Variants in STK3 observed in about 807,000 individuals in gnomAD.
The protein encoded by STK3 is serine/threonine kinase 3, also known as serine/threonine-protein kinase 3.
A neutral mutation model predicts 58.0 loss-of-function variants in STK3; 41 were observed. That is an observed-to-expected ratio of 0.71 (90% CI 0.55 to 0.92). STK3 has a LOEUF of 0.92. Among genes scored for constraint, STK3 ranks in the 40% least tolerant of loss-of-function variants. STK3 has a pLI of 0.00. For synonymous variants in STK3, 170 were observed against 191.0 expected, an observed-to-expected ratio of 0.89 and a Z score of 0.91; for missense variants, 479 against 602.7, an observed-to-expected ratio of 0.79 and a Z score of 2.15.
chr8:98,496,981 AT>A (rs1823186366), intron 10 of STK3, among the ~76,000 whole-genome samples: 2 of 152,168 alleles, frequency 1.3e-5, no homozygotes. Flanking sequence ...AATAAAAAAA[AT>A]TTTTAAAGCC....
intron 6 of STK3, among the ~76,000 whole-genome samples, chr8:98,642,062 A>T (rs1820064204): frequency 6.6e-6 from 1 of 152,218 alleles, no homozygotes; most frequent in East Asian, 1.9e-4. Context: ...ATGACAATTT[A>T]AAAAATTAAC....
intron 3 of STK3, chr8:98,429,716 C>T (rs997600392): frequency 5.2e-5 from 18 of 349,492 alleles, no homozygotes; most frequent in Admixed American, 1.8e-4. Context: ...TTCTGTCCAT[C>T]GTGTACGCTA....
intron 1 of STK3, among the ~76,000 whole-genome samples, chr8:98,913,030 C>T (rs1839211666): frequency 6.6e-6 from 1 of 152,090 alleles, no homozygotes; most frequent in African/African-American, 2.4e-5. Context: ...GCCTCAGCCT[C>T]CCAAATATCT....
intron 4 of STK3, among the ~76,000 whole-genome samples, chr8:98,725,654 G>GT (rs902744369): frequency 6.6e-6 from 1 of 152,068 alleles, no homozygotes; most frequent in Non-Finnish European, 1.5e-5. Context: ...CTTTTCATAT[G>GT]TTTTTTCTAA....
intron 3 of STK3, among the ~76,000 whole-genome samples, chr8:98,868,850 G>A (rs1837243713): frequency 6.6e-6 from 1 of 151,876 alleles, no homozygotes. Context: ...GGTGGCGCAT[G>A]CCTGTGGTCC....
At chr8:98,705,604 T>G (rs1825909576) in intron 6 of STK3, among the ~76,000 whole-genome samples, 1 of 152,114 alleles carries the variant, frequency 6.6e-6, no homozygotes. Flanking sequence ...GCATTCTTCC[T>G]CTTTCTATCT....
chr8:98,795,337 T>A (rs1423801304), intron 1 of STK3, among the ~76,000 whole-genome samples: 169 of 117,166 alleles, frequency 1.4e-3, no homozygotes, highest in East Asian at 2.3e-3. Flanking sequence ...CCCTTCATGA[T>A]AAAAAAAAAA....
intron 1 of STK3, among the ~76,000 whole-genome samples, chr8:98,932,572 G>A (rs894308129): frequency 3.3e-5 from 5 of 152,196 alleles, no homozygotes; most frequent in Non-Finnish European, 5.9e-5. Context: ...ATTTAAAAGG[G>A]CTTTAAGGAA....
the STK3 span, among the ~76,000 whole-genome samples, chr8:98,356,565 G>T: frequency 0.32 from 49,096 of 151,754 alleles, 8,039 homozygotes; most frequent in Middle Eastern, 0.5. Flanking sequence ...AAGCCAGGGG[G>T]GCTCCAGTAC....
Position 98,493,103 on chromosome 8 carries a change from G to A in STK3, c.1317+33639C>T, listed in dbSNP as rs559035742. Among the ~76,000 whole-genome samples, 183 of 150,280 alleles carry A rather than the reference G, an allele frequency of 1.2e-3. 1 individual carries two copies. The highest frequency in any genetic ancestry group is 2.0e-3 in the Non-Finnish European group (132 of 67,626). ...TTTAATTTGCCAGGCATGGTAGTGT[G>A]CACCTGTAGTCCCAGCTACTTGGGA... On this transcript the variant is annotated intron_variant, in intron 10 of 10. Coordinates refer to ENST00000419617, the MANE Select transcript of STK3 (RefSeq NM_006281.4).
At chr8:98,614,204 C>T (rs1186436241) in intron 6 of STK3, among the ~76,000 whole-genome samples, 1 of 152,124 alleles carries the variant, frequency 6.6e-6, no homozygotes, top group Non-Finnish European at 1.5e-5. Flanking sequence ...GAATACCCCA[C>T]CTCAACAACA....
chr8:98,601,921 C>T (rs1245410715), intron 6 of STK3, among the ~76,000 whole-genome samples: 1 of 152,180 alleles, frequency 6.6e-6, no homozygotes, highest in Non-Finnish European at 1.5e-5. Flanking sequence ...AGAAGTTCAG[C>T]ACTTGTAGAA....
At chr8:98,405,054 G>T (rs906279627) in intron 3 of STK3, among the ~76,000 whole-genome samples, 1 of 151,954 alleles carries the variant, frequency 6.6e-6, no homozygotes, top group Admixed American at 6.6e-5. Context: ...TTCAGTTTGG[G>T]TGAAAAAAAG....
At chr8:98,678,460 G>A (rs1477585734) in intron 6 of STK3, among the ~76,000 whole-genome samples, 1 of 151,906 alleles carries the variant, frequency 6.6e-6, no homozygotes, top group East Asian at 1.9e-4. Context: ...TAAACTTTAG[G>A]ATTAATGACT....
intron 1 of STK3, chr8:98,437,386 G>C (rs1384286755): frequency 6.6e-6 from 1 of 152,288 alleles, no homozygotes; most frequent in Non-Finnish European, 1.5e-5. Flanking sequence ...CCGAGCCTGT[G>C]CCCTAGACTA....
At chr8:98,858,187 G>T (rs569412578) in intron 3 of STK3, among the ~76,000 whole-genome samples, 277 of 150,568 alleles carry the variant, frequency 1.8e-3, no homozygotes, top group African/African-American at 6.3e-3. Context: ...TTCGAGACCA[G>T]CCTGGCCAAC....
intron 4 of STK3, among the ~76,000 whole-genome samples, chr8:98,708,532 A>G (rs1428695588): frequency 1.3e-5 from 2 of 152,126 alleles, no homozygotes; most frequent in East Asian, 1.9e-4. Context: ...CAGAGGAGGG[A>G]AAAAGGGGAG....
intron 1 of STK3, among the ~76,000 whole-genome samples, chr8:98,938,856 G>A (rs1027839474): frequency 6.6e-6 from 1 of 152,086 alleles, no homozygotes; most frequent in African/African-American, 2.4e-5. Context: ...AATGACATCG[G>A]CACGGACAAG....
chr8:98,634,775 G>A (rs570158259), intron 6 of STK3, among the ~76,000 whole-genome samples: 1 of 152,228 alleles, frequency 6.6e-6, no homozygotes, highest in South Asian at 2.1e-4. Context: ...GGAGACAGCA[G>A]TGTTCTCTAC....
Sources: gnomAD v4.1 joint callset for allele counts (sites outside exome capture counted in the v4.1 genomes callset) on GRCh38, gnomAD v4.1.1 for gene constraint, MANE v1.5 for transcripts, NCBI Gene and HGNC (gene_info 2026-07-23, HGNC 2026-07-21) for gene names.